Variants in HDAC9 observed in about 807,000 individuals in gnomAD.
HDAC9 encodes the protein MEF-2 interacting transcription repressor (MITR) protein.
In HDAC9, 41 loss-of-function variants were observed where a neutral mutation model predicts 139.4. The ratio of observed to expected loss-of-function variants is 0.29; its 90% CI spans 0.23 to 0.38. The LOEUF (loss-of-function observed/expected upper bound fraction) is 0.38. Among genes scored for constraint, HDAC9 ranks in the 10% least tolerant of loss-of-function variants. HDAC9 has a pLI of 1.00. For synonymous variants in HDAC9, 517 were observed against 476.2 expected, an observed-to-expected ratio of 1.09 and a Z score of -1.12; for missense variants, 1,147 against 1,297.0, an observed-to-expected ratio of 0.88 and a Z score of 1.78.
intron 17 of HDAC9, among the ~76,000 whole-genome samples, chr7:18,802,285 G>A (rs1388952984): frequency 2.6e-5 from 4 of 151,772 alleles, no homozygotes; most frequent in Non-Finnish European, 4.4e-5. Flanking sequence ...TGTATTAAAT[G>A]TGTATTTTTA....
intron 1 of HDAC9, among the ~76,000 whole-genome samples, chr7:18,355,484 T>G (rs999287226): frequency 5.3e-5 from 8 of 152,190 alleles, no homozygotes; most frequent in African/African-American, 1.7e-4. Flanking sequence ...AAAAATGGGT[T>G]GCTCATAATT....
chr7:18,970,081 A>G (rs993083), intron 24 of HDAC9, among the ~76,000 whole-genome samples: 64,412 of 151,958 alleles, frequency 0.42, 14,102 homozygotes, highest in East Asian at 0.58. Flanking sequence ...ATAAATTAAA[A>G]ATGCTAAAAA....
At chr7:18,908,909 T>G (rs1002593513) in intron 22 of HDAC9, among the ~76,000 whole-genome samples, 35 of 152,240 alleles carry the variant, frequency 2.3e-4, no homozygotes, top group Admixed American at 1.8e-3. Context: ...TTCCTTCCTT[T>G]GGATATACAC....
At chr7:18,371,887 A>G (rs1784621048) in intron 1 of HDAC9, among the ~76,000 whole-genome samples, 1 of 152,180 alleles carries the variant, frequency 6.6e-6, no homozygotes, top group Non-Finnish European at 1.5e-5. Flanking sequence ...CATTGGTCAT[A>G]TGTCTTTCCT....
intron 2 of HDAC9, among the ~76,000 whole-genome samples, chr7:18,549,665 G>C (rs1314382961): frequency 6.6e-6 from 1 of 151,958 alleles, no homozygotes. Context: ...GGAAAACTAG[G>C]TGAAGCTTTC....
chr7:18,452,799 C>T (rs148373092), intron 1 of HDAC9, among the ~76,000 whole-genome samples: 513 of 152,274 alleles, frequency 3.4e-3, no homozygotes, highest in South Asian at 0.011. Flanking sequence ...TCTTCCTTCA[C>T]GTGTCACTGT....
chr7:18,957,125 A>T (rs1280572161), intron 24 of HDAC9, among the ~76,000 whole-genome samples: 1 of 152,176 alleles, frequency 6.6e-6, no homozygotes, highest in Non-Finnish European at 1.5e-5. Context: ...TTGAGGTTGT[A>T]AAAGGAAAGA....
At chr7:18,857,506 A>G (rs895577915) in intron 21 of HDAC9, among the ~76,000 whole-genome samples, 3 of 152,150 alleles carry the variant, frequency 2.0e-5, no homozygotes, top group African/African-American at 7.2e-5. Flanking sequence ...AGAATAATTA[A>G]TAAGTTCATT....
chr7:18,663,533 G>A (rs1422301390), intron 11 of HDAC9, among the ~76,000 whole-genome samples: 2 of 151,692 alleles, frequency 1.3e-5, no homozygotes, highest in Non-Finnish European at 2.9e-5. Context: ...TCTTTCATCC[G>A]GTACTCAGTT....
At chr7:18,344,926 A>G (rs905464876) in intron 1 of HDAC9, among the ~76,000 whole-genome samples, 1 of 152,048 alleles carries the variant, frequency 6.6e-6, no homozygotes, top group South Asian at 2.1e-4. Flanking sequence ...TTAATGAACA[A>G]ATCTTCTATT....
intron 22 of HDAC9, among the ~76,000 whole-genome samples, chr7:18,921,654 G>A (rs1470765676): frequency 6.6e-6 from 1 of 152,186 alleles, no homozygotes; most frequent in Admixed American, 6.5e-5. Context: ...TTCAATCATT[G>A]TGGAAGTCAG....
At chr7:18,503,460 A>C (rs944643555) in intron 2 of HDAC9, among the ~76,000 whole-genome samples, 1 of 152,264 alleles carries the variant, frequency 6.6e-6, no homozygotes. Context: ...CGTTATGTTT[A>C]GGTTTACTCT....
intron 1 of HDAC9, among the ~76,000 whole-genome samples, chr7:18,348,239 A>G (rs1347684093): frequency 6.6e-6 from 1 of 152,192 alleles, no homozygotes; most frequent in Non-Finnish European, 1.5e-5. Flanking sequence ...TATAGAGGCA[A>G]TGTCAGCGAT....
chr7:18,562,274 A>C (rs763882657), intron 2 of HDAC9, among the ~76,000 whole-genome samples: 1 of 152,078 alleles, frequency 6.6e-6, no homozygotes, highest in Non-Finnish European at 1.5e-5. Flanking sequence ...CATTCTGTGG[A>C]TTGATGGTAT....
At chr7:18,972,201 A>G (rs980402829) in intron 24 of HDAC9, among the ~76,000 whole-genome samples, 4 of 152,166 alleles carry the variant, frequency 2.6e-5, no homozygotes, top group African/African-American at 7.2e-5. Flanking sequence ...AAGGACCACG[A>G]TAAGTGAGAA....
intron 1 of HDAC9, among the ~76,000 whole-genome samples, chr7:18,426,272 A>G (rs1315829701): frequency 6.6e-6 from 1 of 152,184 alleles, no homozygotes. Flanking sequence ...GCTGCTATGC[A>G]AGTCATTTGT....
chr7:18,929,057 G>A (rs1048826101), intron 22 of HDAC9, among the ~76,000 whole-genome samples: 1 of 152,000 alleles, frequency 6.6e-6, no homozygotes, highest in South Asian at 2.1e-4. Context: ...ATTTGGAAAT[G>A]TTAGAGAGAA....
intron 22 of HDAC9, among the ~76,000 whole-genome samples, chr7:18,885,506 A>G (rs1800074260): frequency 6.6e-6 from 1 of 152,152 alleles, no homozygotes; most frequent in African/African-American, 2.4e-5. Context: ...CCATTACAAA[A>G]TTTTACAACC....
At position 18,958,117 on chromosome 7, in the gene HDAC9, C is replaced by T. The variant is rs112251715; in HGVS notation, c.3022+3887C>T. On this transcript the variant is annotated intron_variant, in intron 24 of 25. Coordinates refer to ENST00000686413, the MANE Select transcript of HDAC9 (RefSeq NM_178425.4). ...TTTCCAACAGGATCATTTATGTTGT[C>T]CTGTCCTTGTTTATGTTGCTCATCT... is the stretch of plus-strand genomic sequence containing the variant. Among the ~76,000 whole-genome samples the T allele has an allele frequency of 6.9e-3, 1,043 of 152,166 alleles. 19 individuals are homozygous for T. The highest frequency in any genetic ancestry group is 0.024 in the African/African-American group (1,003 of 41,526).
Sources: gnomAD v4.1 joint callset for allele counts (sites outside exome capture counted in the v4.1 genomes callset) on GRCh38, gnomAD v4.1.1 for gene constraint, MANE v1.5 for transcripts, NCBI Gene and HGNC (gene_info 2026-07-23, HGNC 2026-07-21) for gene names.